The following CARMIL1 variants were observed in gnomAD, a reference collection of about 807,000 sequenced individuals.
CARMIL1 encodes capping protein regulator and myosin 1 linker 1, also known as F-actin-uncapping protein LRRC16A.
Under a neutral mutation model 177.1 loss-of-function variants are expected in CARMIL1, and 90 were observed. The ratio of observed to expected loss-of-function variants is 0.51; its 90% confidence interval spans 0.43 to 0.61. The LOEUF (loss-of-function observed/expected upper bound fraction) is 0.61, where lower values mean the gene tolerates loss of function less well. CARMIL1 is among the 20% of genes least tolerant of loss of function. The probability of loss-of-function intolerance (pLI) is 0.00; values close to 1 mark genes in which losing one functional copy is unlikely to be tolerated. For missense variants in CARMIL1, 1,380 were observed against 1,667.0 expected (o/e 0.83, Z 3.00); for synonymous variants, 577 against 606.2 (o/e 0.95, Z 0.71).
chr6:25,563,528 G>C, intron 29 of CARMIL1: 1 of 985,432 alleles, frequency 1.0e-6, no homozygotes, highest in Non-Finnish European at 1.2e-6. Flanking sequence ...GTGGCTGCTG[G>C]CTCTCAACAG....
Position 25,342,085 on chromosome 6 carries a change from C to A in CARMIL1, c.138+57176C>A, listed in dbSNP as rs572047297. 2.0e-5 allele frequency among the ~76,000 whole-genome samples: 3 copies of A among 152,220 alleles called. No individual in the cohort carries two copies. The East Asian group carries it at 5.8e-4, about 29-fold the overall frequency. ...GTCTGTTCATTAGCTAGTGGGCAGC[C>A]CACATTTAGAAGAATGTAGGTGTGA... On this transcript the variant is annotated intron_variant, in intron 2 of 36. Coordinates refer to ENST00000329474, the MANE Select transcript of CARMIL1 (RefSeq NM_017640.6).
At chr6:25,407,689 A>G (rs554838818) in intron 2 of CARMIL1, among the ~76,000 whole-genome samples, 21 of 152,306 alleles carry the variant, frequency 1.4e-4, no homozygotes, top group African/African-American at 5.1e-4. Context: ...TGTGGGAGTA[A>G]TAAAAGGACA....
intron 9 of CARMIL1, among the ~76,000 whole-genome samples, chr6:25,468,386 G>C (rs558502206): frequency 1.5e-4 from 23 of 151,886 alleles, no homozygotes; most frequent in African/African-American, 5.3e-4. Flanking sequence ...TAATGTATAC[G>C]GTTTCTTTCA....
intron 2 of CARMIL1, among the ~76,000 whole-genome samples, chr6:25,292,337 C>T (rs527250791): frequency 2.1e-4 from 32 of 152,290 alleles, no homozygotes; most frequent in African/African-American, 7.7e-4. Context: ...ACAGCAATAA[C>T]ACTGAAACAA....
At position 25,279,465 on chromosome 6, in the gene CARMIL1, C is replaced by T. The variant is rs957469638; in HGVS notation, c.-331C>T. 2 of 432,352 alleles carry T rather than the reference C, an allele frequency of 4.6e-6. No individual in the cohort carries two copies. Among genetic ancestry groups the T allele is most frequent in the African/African-American group, 2.1e-5 (1 of 48,358 alleles). 26.8% of individuals were successfully genotyped at this position (432,352 alleles called of 1,614,324 possible). A position where few individuals can be genotyped will look rare whatever the true frequency, so the allele number is the denominator to read the frequency against. ...ACGCCGGCCCAAGCCCCGCCGGGGACCAGCGAGCCGGGAGGAGGAGCAGGC... is the reference window on the plus strand; with the variant it reads ...ACGCCGGCCCAAGCCCCGCCGGGGATCAGCGAGCCGGGAGGAGGAGCAGGC... On this transcript the variant is annotated 5_prime_UTR_variant, in exon 1 of 37. Transcript: ENST00000329474.
rs116476354 is a variant in CARMIL1, at chr6:25,614,477, T to C, written c.3979+4296T>C. 3.5e-3 allele frequency among the ~76,000 whole-genome samples: 530 copies of C among 152,364 alleles called. 2 individuals are homozygous for C. The highest frequency in any genetic ancestry group is 0.011 in the African/African-American group (459 of 41,592). On this transcript the variant is annotated intron_variant, in intron 36 of 36. Transcript: ENST00000329474. ...CATATGGCCAAGAAAATCTCTATCT[T>C]CAGTCCTAGAAAAGTTACATAAATG...
intron 2 of CARMIL1, among the ~76,000 whole-genome samples, chr6:25,370,940 CA>C (rs1037324173): frequency 6.6e-6 from 1 of 151,418 alleles, no homozygotes; most frequent in Non-Finnish European, 1.5e-5. Context: ...TCTGAGTCAC[CA>C]AAGTTCGCTA....
chr6:25,412,246 T>G (rs1322415698), intron 2 of CARMIL1, among the ~76,000 whole-genome samples: 1 of 152,250 alleles, frequency 6.6e-6, no homozygotes, highest in Non-Finnish European at 1.5e-5. Flanking sequence ...TTAACCCTCA[T>G]CATTCCATGA....
rs1811763248 is a variant in CARMIL1 at position 25,568,456 on chromosome 6, T to C, written c.2742+11606T>C. ...AAGGGTGGAGCCTTAACCTGGAAAC[T>C]AGTGCTGCAAGTTTTGGATCTAACA... On this transcript the variant is annotated intron_variant, in intron 29 of 36. Transcript: ENST00000329474. Among the ~76,000 whole-genome samples, 4 of 152,274 alleles carry C rather than the reference T, an allele frequency of 2.6e-5. No homozygotes were observed. In the South Asian group the frequency reaches 6.2e-4, roughly 24 times the overall value.
intron 20 of CARMIL1, among the ~76,000 whole-genome samples, chr6:25,513,969 G>A (rs1582205483): frequency 6.6e-6 from 1 of 152,106 alleles, no homozygotes; most frequent in African/African-American, 2.4e-5. Context: ...GGTTCAACCT[G>A]GTTAACCTGG....
chr6:25,507,887 A>T (rs1416704925), intron 17 of CARMIL1, among the ~76,000 whole-genome samples: 1 of 151,736 alleles, frequency 6.6e-6, no homozygotes. Context: ...GTACACATTT[A>T]CTTCAAGTAG....
intron 2 of CARMIL1, among the ~76,000 whole-genome samples, chr6:25,303,667 C>T (rs755563270): frequency 6.6e-6 from 1 of 152,236 alleles, no homozygotes; most frequent in African/African-American, 2.4e-5. Context: ...CACAAAGGGA[C>T]TCTGTTTTAG....
At chr6:25,548,059 C>T (rs139048707) in intron 26 of CARMIL1, among the ~76,000 whole-genome samples, 97 of 152,170 alleles carry the variant, frequency 6.4e-4, no homozygotes, top group Non-Finnish European at 1.0e-3. Flanking sequence ...CTGGATCATA[C>T]GGGGAACTGC....
chr6:25,292,056 A>G (rs1035315665), intron 2 of CARMIL1, among the ~76,000 whole-genome samples: 1 of 152,198 alleles, frequency 6.6e-6, no homozygotes, highest in African/African-American at 2.4e-5. Context: ...TTATTCCAGT[A>G]GTTAAAATAG....
At position 25,510,434 on chromosome 6, in the gene CARMIL1, T is replaced by C. The variant is rs184190944; in HGVS notation, c.1478-73T>C. ...TCATCCAACTATATGTCACCTTTGC[T>C]TAATTGTGTTCCAGCTGAAAATTAA... On this transcript the variant is annotated intron_variant, in intron 18 of 36. Coordinates refer to ENST00000329474, the MANE Select transcript of CARMIL1 (RefSeq NM_017640.6). The C allele has an allele frequency of 9.4e-5, 84 of 892,370 alleles. No individual in the cohort carries two copies. The East Asian group carries it at 2.2e-3, about 23-fold the overall frequency. 55.3% of individuals were successfully genotyped at this position (892,370 alleles called of 1,614,324 possible).
chr6:25,469,108 G>A (rs1800881096), intron 9 of CARMIL1, among the ~76,000 whole-genome samples: 1 of 152,156 alleles, frequency 6.6e-6, no homozygotes, highest in South Asian at 2.1e-4. Context: ...TAAATTGTAG[G>A]CATCAGGTCA....
intron 32 of CARMIL1, among the ~76,000 whole-genome samples, chr6:25,596,095 A>C (rs1582475356): frequency 6.6e-6 from 1 of 152,284 alleles, no homozygotes; most frequent in Middle Eastern, 3.4e-3. Flanking sequence ...TACCCGTCCC[A>C]GTGTGATTTT....
chr6:25,514,578 G>C (rs1322482899), intron 20 of CARMIL1, among the ~76,000 whole-genome samples: 1 of 137,762 alleles, frequency 7.3e-6, no homozygotes, highest in African/African-American at 2.6e-5. Flanking sequence ...AGCCACACAA[G>C]TGTGACTTAA....
chr6:25,339,780 T>C (rs1369611642), intron 2 of CARMIL1, among the ~76,000 whole-genome samples: 1 of 152,190 alleles, frequency 6.6e-6, no homozygotes, highest in African/African-American at 2.4e-5. Flanking sequence ...CCCTGCTCAG[T>C]GTGACCTTGG....
Sources: allele counts gnomAD v4.1 joint callset (sites outside exome capture counted in the v4.1 genomes callset), GRCh38; gene constraint gnomAD v4.1.1; transcripts MANE v1.5; gene names NCBI Gene and HGNC (gene_info 2026-07-23, HGNC 2026-07-21).